TBRG1: variants seen among roughly 807,000 people sequenced by gnomAD.
TBRG1 encodes the protein nuclear interactor of ARF and MDM2.
In TBRG1, 31 loss-of-function variants were observed where a neutral mutation model predicts 44.0. That is an observed-to-expected ratio of 0.70 (90% CI 0.53 to 0.95). The LOEUF (loss-of-function observed/expected upper bound fraction) is 0.95, where lower values mean the gene tolerates loss of function less well. Among genes scored for constraint, TBRG1 ranks in the 40% least tolerant of loss-of-function variants. The pLI is 0.00. For missense variants in TBRG1, 487 were observed against 496.1 expected, an observed-to-expected ratio of 0.98 and a Z score of 0.18; for synonymous variants, 171 against 188.1, an observed-to-expected ratio of 0.91 and a Z score of 0.74.
At chr11:124,631,056 T>C in intron 7 of TBRG1, 1 of 635,246 alleles carries the variant, frequency 1.6e-6, no homozygotes, top group Non-Finnish European at 2.7e-6. Context: ...TATTACTATT[T>C]TCTGTATGTA....
At position 124,623,094 on chromosome 11, in the gene TBRG1, T is replaced by C. The variant is rs1181812723; in HGVS notation, c.11T>C (p.Leu4Pro). The change falls in exon 1 of 9, where the codon CTG becomes CCG. Residue 4 changes from leucine (L) to proline (P), a missense_variant. By Grantham distance (98) the Leu-to-Pro change is moderately conservative. Coordinates refer to ENST00000441174, the MANE Select transcript of TBRG1 (RefSeq NM_032811.3). MSLLDGLASSPRAP... is the reference protein window; with the variant it reads MSLPDGLASSPRAP... ...TAGCGGGGCTGGACCATGAGCCTGC[T>C]GGACGGCCTCGCTTCCTCGCCGCGG... is the stretch of plus-strand genomic sequence containing the variant. The C allele has an allele frequency of 7.1e-6, 11 of 1,549,554 alleles. No individual in the cohort carries two copies. In the Admixed American group the frequency reaches 9.8e-5, roughly 14 times the overall value.
chr11:124,628,104 TATATATATATATAC>T (rs1167026840), intron 5 of TBRG1, among the ~76,000 whole-genome samples: 198 of 52,004 alleles, frequency 3.8e-3, no homozygotes, highest in Non-Finnish European at 4.8e-3. Flanking sequence ...TATATATATA[TATATATATATATAC>T]ACACACACAC....
intron 1 of TBRG1, among the ~76,000 whole-genome samples, chr11:124,624,576 T>C (rs1942414419): frequency 6.6e-6 from 1 of 152,222 alleles, no homozygotes; most frequent in South Asian, 2.1e-4. Flanking sequence ...TATAAGGATT[T>C]AAGCAGTATG....
chr11:124,630,811 C>T lies in TBRG1; in HGVS notation c.903C>T (p.Ile301=). ...TTTTTGGATTTTCTCATCCAGCCATCCACAACCTGATCCAGAGCTGTCCAG... is the reference window on the plus strand; with the variant it reads ...TTTTTGGATTTTCTCATCCAGCCATTCACAACCTGATCCAGAGCTGTCCAG... The part of the protein sequence containing the change: ...ADFFGFSHPA[I]HNLIQSCPGA... Residue 301 remains isoleucine, a synonymous_variant, in exon 7 of 9, where the codon ATC becomes ATT. Transcript: ENST00000441174. 3 of 1,606,056 alleles carry T rather than the reference C, an allele frequency of 1.9e-6. No individual in the cohort carries two copies. Among genetic ancestry groups the T allele is most frequent in the Non-Finnish European group, 2.6e-6 (3 of 1,176,102 alleles).
At position 124,628,065 on chromosome 11, in the gene TBRG1, TTATATATA is replaced by T. The variant is rs71042445; in HGVS notation, c.738+1060_738+1067del. On this transcript the variant is annotated intron_variant, in intron 5 of 8. Transcript: ENST00000441174. ...TTCCAACTAACGTCAAGTAGCTGTT[TTATATATA>T]TATATATATATATATATATATATAT... is the stretch of plus-strand genomic sequence containing the variant. Among the ~76,000 whole-genome samples the T allele has an allele frequency of 6.0e-3, 420 of 69,768 alleles. 2 individuals carry two copies. Among genetic ancestry groups the T allele is most frequent in the Non-Finnish European group, 8.8e-3 (298 of 33,838 alleles). The allele number at this position is 69,768 out of a possible 152,430, so 45.8% of individuals were successfully genotyped here. A position where few individuals can be genotyped will look rare whatever the true frequency, so the allele number is the denominator to read the frequency against.
intron 5 of TBRG1, 116 bp downstream of exon 5, chr11:124,627,166 C>A: frequency 2.6e-6 from 2 of 770,478 alleles, no homozygotes; most frequent in South Asian, 1.8e-5. Flanking sequence ...TTTGGGTAAT[C>A]CCAAGATGCA....
At chr11:124,625,591 T>C in intron 2 of TBRG1, 80 bp from the exon 3 acceptor site, 2 of 1,318,820 alleles carry the variant, frequency 1.5e-6, no homozygotes, top group South Asian at 1.5e-5. Flanking sequence ...TAATTCTGGC[T>C]TTTCCCAGTA....
chr11:124,631,966 A>G (rs1942623802), intron 8 of TBRG1, 127 bp from the exon 9 acceptor site: 2 of 789,140 alleles, frequency 2.5e-6, no homozygotes, highest in African/African-American at 3.4e-5. Context: ...ATCTTAACAA[A>G]GGCAAAATTG....
chr11:124,631,082 G>C lies in TBRG1; in HGVS notation c.948-193G>C, dbSNP rs906978807. ...TCTGTATGTACCATGACAGCAAAAG[G>C]GGTGGGAAATCTAGCAGACTAATTT... On this transcript the variant is annotated intron_variant, in intron 7 of 8. Transcript: ENST00000441174. 1.1e-5 allele frequency: 7 copies of C among 644,036 alleles called. No individual in the cohort carries two copies. The Admixed American group carries it at 1.6e-4, about 14-fold the overall frequency. The allele number at this position is 644,036 out of a possible 1,614,324, so 39.9% of individuals were successfully genotyped here. A position where few individuals can be genotyped will look rare whatever the true frequency, so the allele number is the denominator to read the frequency against.
rs1225639036 is a variant in TBRG1 at position 124,635,751 on chromosome 11, T to C, written c.*3513T>C. 2 of 152,234 alleles carry C rather than the reference T, an allele frequency of 1.3e-5. No homozygotes were observed. Among genetic ancestry groups the C allele is most frequent in the Admixed American group, 6.5e-5 (1 of 15,284 alleles). 9.4% of individuals were successfully genotyped at this position (152,234 alleles called of 1,614,324 possible). A position where few individuals can be genotyped will look rare whatever the true frequency, so the allele number is the denominator to read the frequency against. ...GATAGTATTCTTACTCCTTTTCACA[T>C]GCTTCAAGGACAGTTTGCAAGTGGA... On this transcript the variant is annotated 3_prime_UTR_variant, in exon 9 of 9. Transcript: ENST00000441174.
Position 124,632,172 on chromosome 11 carries a change from G to C in TBRG1, c.1170G>C (p.Leu390Phe). The change falls in exon 9 of 9, where the codon TTG (leucine) becomes TTC (phenylalanine). Residue 390 changes from leucine (L) to phenylalanine (F), a missense_variant. Physicochemically the swap from Leu to Phe is conservative, Grantham distance 22. Transcript: ENST00000441174. ...CCATGTACCTGACACATGAACCCTT[G>C]GTAGATACTCACCTGCAGCACTTGA... ...YQPMYLTHEPLVDTHLQHLKS... is the reference protein window; with the variant it reads ...YQPMYLTHEPFVDTHLQHLKS... 1 of 1,613,650 alleles carries C rather than the reference G, an allele frequency of 6.2e-7. No individual in the cohort carries two copies. The highest frequency in any genetic ancestry group is 1.1e-5 in the South Asian group (1 of 91,076).
Position 124,623,125 on chromosome 11 carries a change from G to A in TBRG1, c.42G>A (p.Pro14=). The change falls in exon 1 of 9, where the codon CCG becomes CCA. Residue 14 remains proline (P), a synonymous_variant. Coordinates refer to ENST00000441174, the MANE Select transcript of TBRG1 (RefSeq NM_032811.3). The part of the protein sequence containing the change: ...LDGLASSPRA[P]LQSSKARMKK... ...GCCTCGCTTCCTCGCCGCGGGCTCC[G>A]CTGCAGTCCAGCAAGGCCAGGATGA... 6.4e-7 allele frequency: 1 copy of A among 1,551,340 alleles called. No homozygotes were observed. Among genetic ancestry groups the A allele is most frequent in the Non-Finnish European group, 8.7e-7 (1 of 1,146,996 alleles).
At position 124,624,951 on chromosome 11, in the gene TBRG1, T is replaced by C; in HGVS notation, c.171T>C (p.Asp57=). The change falls in exon 2 of 9, where the codon GAT becomes GAC. Residue 57 remains aspartate, a synonymous_variant. Transcript: ENST00000441174. ...TAAAGGAAAATGCTGCTATTTGTGATGAAATTGCTCGTCTTGAGGAAAAAT... is the reference window on the plus strand; with the variant it reads ...TAAAGGAAAATGCTGCTATTTGTGACGAAATTGCTCGTCTTGAGGAAAAAT... ...ATVFENAAIC[D]EIARLEEKFL... is the part of the protein sequence containing the mutation. 4 of 1,547,572 alleles carry C rather than the reference T, an allele frequency of 2.6e-6. No homozygotes were observed. The highest frequency in any genetic ancestry group is 2.4e-5 in the South Asian group (2 of 83,066).
At position 124,622,998 on chromosome 11, in the gene TBRG1, A is replaced by G; in HGVS notation, c.-86A>G. The G allele has an allele frequency of 7.2e-7, 1 of 1,389,656 alleles. No homozygotes were observed. The highest frequency in any genetic ancestry group is 9.5e-7 in the Non-Finnish European group (1 of 1,049,750). The allele number at this position is 1,389,656 out of a possible 1,614,324, so 86.1% of individuals were successfully genotyped here. ...AGAGGCCCGATTCCGCTAGCCCGGA[A>G]CAGACAAAGCCAGCGCTCCCGCCCG... On this transcript the variant is annotated 5_prime_UTR_variant, in exon 1 of 9. Coordinates refer to ENST00000441174, the MANE Select transcript of TBRG1 (RefSeq NM_032811.3).
intron 1 of TBRG1, among the ~76,000 whole-genome samples, chr11:124,623,999 T>A (rs958510040): frequency 1.3e-5 from 2 of 152,210 alleles, no homozygotes; most frequent in Admixed American, 1.3e-4. Context: ...TCTCTCAGCA[T>A]TTTTGGAAGC....
intron 1 of TBRG1, 181 bp downstream of exon 1, chr11:124,623,414 G>A: frequency 2.7e-6 from 2 of 732,042 alleles, no homozygotes; most frequent in Non-Finnish European, 4.8e-6. Flanking sequence ...GTCCTCATCT[G>A]TAAATGAGCT....
At chr11:124,630,956 C>T (rs1942596840) in intron 7 of TBRG1, 101 bp downstream of exon 7, 2 of 897,738 alleles carry the variant, frequency 2.2e-6, no homozygotes, top group Non-Finnish European at 3.5e-6. Context: ...TGTCCAAAGC[C>T]TGCCTGCTTC....
intron 5 of TBRG1, among the ~76,000 whole-genome samples, chr11:124,628,096 TATATATATATATATATATATACACAC>T (rs1296130029): frequency 9.1e-4 from 72 of 79,122 alleles, no homozygotes; most frequent in Middle Eastern, 6.6e-3. Flanking sequence ...TATATATATA[TATATATATATATATATATATACACAC>T]ACACACACAC....
At position 124,626,574 on chromosome 11, in the gene TBRG1, G is replaced by A. The variant is rs940458396; in HGVS notation, c.556G>A (p.Gly186Arg). 10 of 1,551,400 alleles carry A rather than the reference G, an allele frequency of 6.4e-6. No individual in the cohort carries two copies. The highest frequency in any genetic ancestry group is 5.5e-5 in the African/African-American group (4 of 73,032). Reference protein sequence around the residue: ...DPSGRPVFPIGLGGLTVYSLG... With the variant: ...DPSGRPVFPIRLGGLTVYSLG... Reference sequence around the variant, plus strand: ...CTCAGGACGGCCTGTGTTCCCCATCGGACTAGGGGGTCTAACAGTATATAG... The same window carrying A: ...CTCAGGACGGCCTGTGTTCCCCATCAGACTAGGGGGTCTAACAGTATATAG... Residue 186 changes from glycine (G) to arginine (R), a missense_variant, in exon 4 of 9, where the codon GGA becomes AGA. Gly to Arg is a moderately radical substitution (Grantham distance 125). Coordinates refer to ENST00000441174, the MANE Select transcript of TBRG1 (RefSeq NM_032811.3).
Sources: gnomAD v4.1 joint callset for allele counts (sites outside exome capture counted in the v4.1 genomes callset) on GRCh38, gnomAD v4.1.1 for gene constraint, MANE v1.5 for transcripts, NCBI Gene and HGNC (gene_info 2026-07-23, HGNC 2026-07-21) for gene names.